Variants in ARHGEF7 observed in about 807,000 individuals in gnomAD.
ARHGEF7 encodes the protein Rho guanine nucleotide exchange factor 7.
A neutral mutation model predicts 109.8 loss-of-function variants in ARHGEF7; 33 were observed. The ratio of observed to expected loss-of-function variants is 0.30; its 90% CI spans 0.23 to 0.40. The LOEUF (loss-of-function observed/expected upper bound fraction) is 0.40, where lower values mean the gene tolerates loss of function less well. Ranked by LOEUF, ARHGEF7 falls within the 10% of genes least tolerant of loss-of-function variation. The probability of loss-of-function intolerance (pLI) is 1.00; values close to 1 mark genes in which losing one functional copy is unlikely to be tolerated. For synonymous variants in ARHGEF7, 458 were observed against 424.6 expected (o/e 1.08, Z -0.97); for missense variants, 938 against 1,098.5 (o/e 0.85, Z 2.07).
intron 8 of ARHGEF7, among the ~76,000 whole-genome samples, chr13:111,265,989 TC>T (rs1339702360): frequency 3.9e-5 from 6 of 152,124 alleles, no homozygotes; most frequent in African/African-American, 1.4e-4. Flanking sequence ...AGAAGCAGTG[TC>T]CCCATGAGTT....
intron 5 of ARHGEF7, among the ~76,000 whole-genome samples, chr13:111,219,926 A>G (rs9515395): frequency 6.6e-6 from 1 of 152,108 alleles, no homozygotes. Flanking sequence ...AAATCCGTTC[A>G]TGTGTAGAGC....
chr13:111,259,543 C>T (rs1412316823), intron 8 of ARHGEF7, among the ~76,000 whole-genome samples: 2 of 152,202 alleles, frequency 1.3e-5, no homozygotes, highest in South Asian at 2.1e-4. Context: ...AGCATTACTG[C>T]GTGTGGGGTG....
intron 3 of ARHGEF7, among the ~76,000 whole-genome samples, chr13:111,208,293 G>A (rs2082118059): frequency 6.6e-6 from 1 of 152,160 alleles, no homozygotes; most frequent in Non-Finnish European, 1.5e-5. Flanking sequence ...ACCAGCCTCT[G>A]CCTCCCTAAG....
intron 4 of ARHGEF7, among the ~76,000 whole-genome samples, chr13:111,214,317 G>C (rs545944616): frequency 6.6e-6 from 1 of 152,220 alleles, no homozygotes; most frequent in Non-Finnish European, 1.5e-5. Context: ...CCTGGTGCTG[G>C]CTGGAGCCTC....
At chr13:111,220,724 G>A (rs1020967190) in intron 5 of ARHGEF7, among the ~76,000 whole-genome samples, 2 of 152,058 alleles carry the variant, frequency 1.3e-5, no homozygotes, top group Admixed American at 6.6e-5. Context: ...CCGGCAGGGC[G>A]TGTTTAGAAA....
chr13:111,302,864 C>T, intron 21 of ARHGEF7, 127 bp from the exon 22 acceptor site: 1 of 1,231,752 alleles, frequency 8.1e-7, no homozygotes, highest in Non-Finnish European at 1.1e-6. Context: ...GACCTCAGAG[C>T]CCATAGGCAG....
chr13:111,302,914 A>G, intron 21 of ARHGEF7, 77 bp from the exon 22 acceptor site: 1 of 1,576,030 alleles, frequency 6.3e-7, no homozygotes, highest in Non-Finnish European at 8.6e-7. Flanking sequence ...TAGCTCCTCA[A>G]GGATACACAT....
chr13:111,115,567 TG>T lies in ARHGEF7; in HGVS notation c.46del (p.Val16CysfsTer20). 2.8e-6 allele frequency: 4 copies of T among 1,413,222 alleles called. No homozygotes were observed. Among genetic ancestry groups the T allele is most frequent in the East Asian group, 3.3e-5 (1 of 30,372 alleles). 87.5% of individuals were successfully genotyped at this position (1,413,222 alleles called of 1,614,324 possible). On this transcript the variant is annotated frameshift_variant, in exon 1 of 22. Coordinates refer to ENST00000646102, the MANE Select transcript of ARHGEF7 (RefSeq NM_001354046.2). LOFTEE classifies it high-confidence loss of function. ...CAAACCGTTACGTGGCTCATCACTC[TG>T]GGGGTGCTGGAGTCGCCCAAAAAAA... ...AEQTVTWLIT[L>X]GVLESPKKTI...
intron 12 of ARHGEF7, chr13:111,275,932 GGATA>G (rs960000245): frequency 4.4e-6 from 2 of 459,394 alleles, no homozygotes; most frequent in African/African-American, 2.0e-5. Context: ...GTGAACTGAA[GGATA>G]GATAGTGTGC....
chr13:111,117,379 T>G (rs1432613235), intron 1 of ARHGEF7, among the ~76,000 whole-genome samples: 3 of 152,222 alleles, frequency 2.0e-5, no homozygotes, highest in Non-Finnish European at 4.4e-5. Context: ...GAAGCCAAGT[T>G]GAAACAACTC....
intron 1 of ARHGEF7, among the ~76,000 whole-genome samples, chr13:111,128,312 G>A (rs1014391487): frequency 1.3e-5 from 2 of 152,154 alleles, no homozygotes; most frequent in African/African-American, 4.8e-5. Context: ...AAATTGTATA[G>A]GATCTACAAA....
At chr13:111,286,118 T>C (rs2093007918) in intron 16 of ARHGEF7, 29 bp from the exon 17 acceptor site, 7 of 1,562,814 alleles carry the variant, frequency 4.5e-6, no homozygotes, top group Non-Finnish European at 5.3e-6. Context: ...CTTTAGAGTA[T>C]GTTAGCATTT....
In ARHGEF7 at chr13:111,242,888, C is replaced by G. The variant is rs1279460129; in HGVS notation, c.760-984C>G. 3.3e-5 allele frequency among the ~76,000 whole-genome samples: 5 copies of G among 152,314 alleles called. No individual in the cohort carries two copies. In the East Asian group the frequency reaches 9.6e-4, roughly 29 times the overall value. ...ACATCCAGGTGCCTTCTCGTCCCAC[C>G]CTGGGCTGGGCCTTTGCTGCAGTGA... On this transcript the variant is annotated intron_variant, in intron 6 of 21. Coordinates refer to ENST00000646102, the MANE Select transcript of ARHGEF7 (RefSeq NM_001354046.2).
intron 1 of ARHGEF7, among the ~76,000 whole-genome samples, chr13:111,128,415 C>T (rs1236917462): frequency 3.3e-5 from 5 of 152,140 alleles, no homozygotes; most frequent in East Asian, 3.9e-4. Context: ...ATCGCCTGAA[C>T]CTGGGAGTTG....
At chr13:111,191,013 C>T (rs922579767) in intron 2 of ARHGEF7, among the ~76,000 whole-genome samples, 1 of 152,000 alleles carries the variant, frequency 6.6e-6, no homozygotes, top group Non-Finnish European at 1.5e-5. Flanking sequence ...AGGAACCATT[C>T]ATTAGAGAGA....
chr13:111,293,115 C>T, intron 19 of ARHGEF7: 1 of 985,438 alleles, frequency 1.0e-6, no homozygotes, highest in Non-Finnish European at 1.2e-6. Context: ...TACCACTCTA[C>T]AGTAAAATCT....
At position 111,255,942 on chromosome 13, in the gene ARHGEF7, T is replaced by C. The variant is rs2090369116; in HGVS notation, c.951-11606T>C. On this transcript the variant is annotated intron_variant, in intron 8 of 21. Transcript: ENST00000646102. This position sits in a 1 kb window ranked among gnomAD's most constrained non-coding sequence, Gnocchi z 4.1. ...GTAGAGAATGATTTAATGAACTTCATGAATGGTGTAATGAATTGGTATGAT... is the reference window on the plus strand; with the variant it reads ...GTAGAGAATGATTTAATGAACTTCACGAATGGTGTAATGAATTGGTATGAT... 6.6e-6 allele frequency among the ~76,000 whole-genome samples: 1 copy of C among 152,242 alleles called. No individual in the cohort carries two copies. The highest frequency in any genetic ancestry group is 2.1e-4 in the South Asian group (1 of 4,830).
chr13:111,244,035 A>G, intron 7 of ARHGEF7, 69 bp downstream of exon 7: 2 of 1,386,730 alleles, frequency 1.4e-6, no homozygotes, highest in Non-Finnish European at 2.0e-6. Context: ...TTCTATTTTC[A>G]GAGAATAGAG....
chr13:111,292,231 T>G lies in ARHGEF7; in HGVS notation c.2248T>G (p.Ser750Ala). The G allele has an allele frequency of 6.2e-7, 1 of 1,614,230 alleles. No individual in the cohort carries two copies. Among genetic ancestry groups the G allele is most frequent in the Non-Finnish European group, 8.5e-7 (1 of 1,180,056 alleles). The change falls in exon 19 of 22, where the codon TCG becomes GCG. Residue 750 changes from serine to alanine, a missense_variant. Ser to Ala is a moderately conservative substitution (Grantham distance 99). Transcript: ENST00000646102. ...TTCTCGTTTGGAGCCTTCAGACCTC[T>G]CGGAAGACTCTGACTATGACAGTAT... Reference protein sequence around the residue: ...SLSRLEPSDLSEDSDYDSIWT... With the variant: ...SLSRLEPSDLAEDSDYDSIWT...
Sources: allele counts gnomAD v4.1 joint callset (sites outside exome capture counted in the v4.1 genomes callset), GRCh38; gene constraint gnomAD v4.1.1; non-coding constraint Gnocchi (gnomAD v3.1); transcripts MANE v1.5; gene names NCBI Gene and HGNC (gene_info 2026-07-23, HGNC 2026-07-21).